Variants in FYB1 observed in about 807,000 individuals in gnomAD.
FYB1 encodes the protein FYN binding protein 1, also known as FYN-binding protein 1.
FYB1 carries 41 observed loss-of-function variants against 94.1 expected under a neutral mutation model. The observed-to-expected ratio is 0.44, with a 90% CI of 0.34 to 0.57. The LOEUF (loss-of-function observed/expected upper bound fraction) is 0.57. FYB1 is among the 20% of genes least tolerant of loss of function. The pLI is 0.02. For missense variants in FYB1, 1,050 were observed against 976.8 expected (o/e 1.07, Z -1.00); for synonymous variants, 367 against 353.2 (o/e 1.04, Z -0.44).
chr5:39,134,286 G>C lies in FYB1; in HGVS notation c.1739C>G (p.Ser580Cys). 6.2e-7 allele frequency: 1 copy of C among 1,611,236 alleles called. No individual in the cohort carries two copies. The highest frequency in any genetic ancestry group is 1.1e-5 in the South Asian group (1 of 91,024). The change falls in exon 9 of 19, where the codon TCT becomes TGT. Residue 580 changes from serine (S) to cysteine (C), a missense_variant. Coordinates refer to ENST00000512982, the MANE Select transcript of FYB1 (RefSeq NM_001465.6). ...DYDSLKLKKDSLGAPSRPIED... is the reference protein window; with the variant it reads ...DYDSLKLKKDCLGAPSRPIED... ...AATAGGTCTTGAAGGGGCACCAAGAGAGTCTTTTTTCAGTTTCAAAGAATC... is the reference window on the plus strand; with the variant it reads ...AATAGGTCTTGAAGGGGCACCAAGACAGTCTTTTTTCAGTTTCAAAGAATC...
intron 14 of FYB1, among the ~76,000 whole-genome samples, chr5:39,120,678 A>C (rs1390429665): frequency 6.6e-6 from 1 of 152,162 alleles, no homozygotes; most frequent in Non-Finnish European, 1.5e-5. Context: ...AGATATCTTT[A>C]GTGAGCATTT....
At chr5:39,263,164 G>A (rs1752296401) in intron 1 of FYB1, among the ~76,000 whole-genome samples, 1 of 151,496 alleles carries the variant, frequency 6.6e-6, no homozygotes, top group Non-Finnish European at 1.5e-5. Flanking sequence ...AATTGGGGAA[G>A]TGATATTGAA....
At chr5:39,232,448 C>G (rs1750783429) in intron 1 of FYB1, among the ~76,000 whole-genome samples, 1 of 152,072 alleles carries the variant, frequency 6.6e-6, no homozygotes, top group Admixed American at 6.6e-5. Flanking sequence ...ACAACGGACC[C>G]AGCTGTCCTC....
In FYB1 at chr5:39,148,153, TTTTATATA is replaced by T. The variant is rs1187886780; in HGVS notation, c.1292+5287_1292+5294del. Among the ~76,000 whole-genome samples the T allele has an allele frequency of 7.7e-3, 613 of 79,434 alleles. 37 individuals are homozygous for T. The highest frequency in any genetic ancestry group is 0.012 in the African/African-American group (222 of 19,226). The allele number at this position is 79,434 out of a possible 152,430, so 52.1% of individuals were successfully genotyped here. On this transcript the variant is annotated intron_variant, in intron 3 of 18. Transcript: ENST00000512982. ...TCATTATATGTATATTATATGTATT[TTTTATATA>T]TATATATATATATATATATATATAT...
intron 3 of FYB1, 94 bp from the exon 4 acceptor site, chr5:39,141,235 T>C (rs1005756100): frequency 4.1e-5 from 37 of 891,962 alleles, no homozygotes; most frequent in Non-Finnish European, 6.2e-5. Flanking sequence ...GAATTGTTCT[T>C]TTTTCTTGAA....
At chr5:39,133,209 C>T in intron 9 of FYB1, among the ~76,000 whole-genome samples, 1 of 152,114 alleles carries the variant, frequency 6.6e-6, no homozygotes, top group South Asian at 2.1e-4. Flanking sequence ...AAGATTGTTT[C>T]CTTTGAAATT....
intron 2 of FYB1, among the ~76,000 whole-genome samples, chr5:39,182,669 T>C (rs1190176197): frequency 1.3e-5 from 2 of 152,142 alleles, no homozygotes; most frequent in Admixed American, 1.3e-4. Flanking sequence ...TTATTTAAGG[T>C]CTTTGAAAGT....
At chr5:39,143,462 A>T (rs866171134) in intron 3 of FYB1, among the ~76,000 whole-genome samples, 1 of 152,062 alleles carries the variant, frequency 6.6e-6, no homozygotes, top group Non-Finnish European at 1.5e-5. Context: ...TCTGGAGTGG[A>T]CTGTTGCAGT....
At chr5:39,256,524 A>G (rs947977677) in intron 1 of FYB1, among the ~76,000 whole-genome samples, 1 of 152,170 alleles carries the variant, frequency 6.6e-6, no homozygotes, top group African/African-American at 2.4e-5. Flanking sequence ...CTGCTTATCA[A>G]ATTAGCTCAG....
intron 1 of FYB1, among the ~76,000 whole-genome samples, chr5:39,231,603 G>A (rs1482438905): frequency 6.6e-5 from 10 of 152,078 alleles, no homozygotes; most frequent in East Asian, 3.9e-4. Context: ...AATGCTACTC[G>A]AAGAATGGGT....
chr5:39,238,743 A>C (rs1751077734), intron 1 of FYB1, among the ~76,000 whole-genome samples: 1 of 152,156 alleles, frequency 6.6e-6, no homozygotes, highest in African/African-American at 2.4e-5. Flanking sequence ...ATTAAGGAGC[A>C]TAGATGGAAA....
At chr5:39,266,084 T>G (rs962077342) in intron 1 of FYB1, among the ~76,000 whole-genome samples, 18 of 152,274 alleles carry the variant, frequency 1.2e-4, no homozygotes, top group Non-Finnish European at 1.8e-4. Flanking sequence ...ATTCTACAAT[T>G]TAAAATGTAC....
intron 2 of FYB1, among the ~76,000 whole-genome samples, chr5:39,175,767 G>A (rs1745665012): frequency 6.6e-6 from 1 of 152,134 alleles, no homozygotes; most frequent in Non-Finnish European, 1.5e-5. Context: ...AGCTTTCAAG[G>A]AAGTGTTTGG....
chr5:39,164,053 A>G lies in FYB1; in HGVS notation c.1136-10449T>C, dbSNP rs1428979. Among the ~76,000 whole-genome samples the G allele has an allele frequency of 1.4e-3, 210 of 152,346 alleles. 4 individuals are homozygous for G. In the East Asian group the frequency reaches 0.032, roughly 23 times the overall value. ...GATAAAATCAATATAAGCCAGTAAT[A>G]TAACATCTATAAGCAGAGAAGGAAT... On this transcript the variant is annotated intron_variant, in intron 2 of 18. Coordinates refer to ENST00000512982, the MANE Select transcript of FYB1 (RefSeq NM_001465.6).
At position 39,192,809 on chromosome 5, in the gene FYB1, T is replaced by G. The variant is rs572097069; in HGVS notation, c.1135+9017A>C. ...AGCAGAAAGAATCTTGAAGGTCAAA[T>G]TGAGTGTGCAGCAGGGAACCAGGAC... On this transcript the variant is annotated intron_variant, in intron 2 of 18. Coordinates refer to ENST00000512982, the MANE Select transcript of FYB1 (RefSeq NM_001465.6). Among the ~76,000 whole-genome samples the G allele has an allele frequency of 3.9e-5, 6 of 152,332 alleles. No individual in the cohort carries two copies. In the South Asian group the frequency reaches 1.2e-3, roughly 32 times the overall value.
intron 1 of FYB1, among the ~76,000 whole-genome samples, chr5:39,273,076 T>G: frequency 6.6e-6 from 1 of 152,176 alleles, no homozygotes; most frequent in East Asian, 1.9e-4. Context: ...GGGGCGCTTC[T>G]GCCCGGCCGC....
intron 1 of FYB1, among the ~76,000 whole-genome samples, chr5:39,257,094 C>T (rs1448825263): frequency 6.6e-6 from 1 of 152,188 alleles, no homozygotes; most frequent in Non-Finnish European, 1.5e-5. Context: ...TGTCTTTTCA[C>T]TTCTGCCAGA....
At chr5:39,240,713 G>A (rs936208390) in intron 1 of FYB1, among the ~76,000 whole-genome samples, 1 of 152,154 alleles carries the variant, frequency 6.6e-6, no homozygotes, top group African/African-American at 2.4e-5. Flanking sequence ...CATTTACACA[G>A]TGCTGGTGGA....
chr5:39,200,130 C>T (rs560867711), intron 2 of FYB1, among the ~76,000 whole-genome samples: 6 of 152,178 alleles, frequency 3.9e-5, no homozygotes, highest in Non-Finnish European at 8.8e-5. Context: ...AGTGAGGAAG[C>T]ATTCAGGAGC....
Sources: gnomAD v4.1 joint callset for allele counts (sites outside exome capture counted in the v4.1 genomes callset) on GRCh38, gnomAD v4.1.1 for gene constraint, MANE v1.5 for transcripts, NCBI Gene and HGNC (gene_info 2026-07-23, HGNC 2026-07-21) for gene names.